The following REEP1 variants were observed in gnomAD, a reference collection of about 807,000 sequenced individuals.
The protein encoded by REEP1 is receptor expression-enhancing protein 1.
In REEP1, 22 loss-of-function variants were observed where a neutral mutation model predicts 40.3. The observed-to-expected ratio is 0.55, with a 90% CI of 0.39 to 0.78. REEP1 has a LOEUF of 0.78. Ranked by LOEUF, REEP1 falls within the 30% of genes least tolerant of loss-of-function variation. REEP1 has a pLI of 0.00. For synonymous variants in REEP1, 116 were observed against 139.2 expected, an observed-to-expected ratio of 0.83 and a Z score of 1.17; for missense variants, 280 against 361.1, an observed-to-expected ratio of 0.78 and a Z score of 1.82.
In REEP1 at chr2:86,315,134, G is replaced by A. The variant is rs577982555; in HGVS notation, c.32+22345C>T. Reference sequence around the variant, plus strand: ...GGGTGTATCTAGCTCAGAGTAGCCGGGACTCTTAGAGACGTAGAAGATGGG... The same window carrying A: ...GGGTGTATCTAGCTCAGAGTAGCCGAGACTCTTAGAGACGTAGAAGATGGG... On this transcript the variant is annotated intron_variant, in intron 1 of 8. Transcript: ENST00000538924. Among the ~76,000 whole-genome samples the A allele has an allele frequency of 3.3e-5, 5 of 152,184 alleles. No individual in the cohort carries two copies. In the South Asian group the frequency reaches 1.0e-3, roughly 32 times the overall value.
chr2:86,298,013 G>A (rs73945268), intron 1 of REEP1, among the ~76,000 whole-genome samples: 5,589 of 152,290 alleles, frequency 0.037, 355 homozygotes, highest in African/African-American at 0.13. Context: ...TGCCTGAGTT[G>A]AGGCATCGTC....
chr2:86,238,773 G>A (rs529419507), intron 5 of REEP1, among the ~76,000 whole-genome samples: 21 of 152,292 alleles, frequency 1.4e-4, no homozygotes, highest in African/African-American at 4.8e-4. Flanking sequence ...GTGGGTGGAG[G>A]ACTTGGGTAG....
chr2:86,219,963 T>C lies in REEP1; in HGVS notation c.783+7A>G, dbSNP rs2103963049. 1 of 1,232,068 alleles carries C rather than the reference T, an allele frequency of 8.1e-7. No homozygotes were observed. The highest frequency in any genetic ancestry group is 1.0e-6 in the Non-Finnish European group (1 of 987,950). The allele number at this position is 1,232,068 out of a possible 1,614,324, so 76.3% of individuals were successfully genotyped here. Reference sequence around the variant, plus strand: ...CACTCCAACCCACAGCCCCAGACACTGTGTACCTCCAGGGGCAATTCCATC... The same window carrying C: ...CACTCCAACCCACAGCCCCAGACACCGTGTACCTCCAGGGGCAATTCCATC... On this transcript the variant is annotated splice_region_variant and intron_variant, in intron 8 of 8. Transcript: ENST00000538924.
chr2:86,329,828 A>G (rs777033986), intron 1 of REEP1, among the ~76,000 whole-genome samples: 6 of 152,194 alleles, frequency 3.9e-5, no homozygotes, highest in Admixed American at 3.3e-4. Context: ...ATGAGAAACT[A>G]TAAGGGAGAC....
In REEP1 at chr2:86,252,012, A is replaced by T. The variant is rs750434521; in HGVS notation, c.362T>A (p.Phe121Tyr). The T allele has an allele frequency of 6.2e-7, 1 of 1,614,150 alleles. No homozygotes were observed. Among genetic ancestry groups the T allele is most frequent in the Non-Finnish European group, 8.5e-7 (1 of 1,180,030 alleles). Residue 121 changes from phenylalanine to tyrosine, a missense_variant, in exon 5 of 9, where the codon TTC becomes TAC. Around this residue, in one of 3 missense-constraint regions of REEP1, gnomAD observed 201 missense variants for 238.5 expected, o/e 0.84. Coordinates refer to ENST00000538924, the MANE Select transcript of REEP1 (RefSeq NM_001371279.1). ...GGCCACGTTCAAGCCCCGCTTCCCG[A>T]AGTGCACAAGGGCATCGTAACTTCG... ...KDRSYDALVH[F>Y]GKRGLNVAAT...
At chr2:86,318,956 A>G (rs985281516) in intron 1 of REEP1, among the ~76,000 whole-genome samples, 1 of 152,226 alleles carries the variant, frequency 6.6e-6, no homozygotes, top group African/African-American at 2.4e-5. Flanking sequence ...AATATAAATA[A>G]TATTTGTAAA....
At position 86,308,407 on chromosome 2, in the gene REEP1, G is replaced by A. The variant is rs138539938; in HGVS notation, c.33-26165C>T. Among the ~76,000 whole-genome samples the A allele has an allele frequency of 7.5e-3, 1,143 of 152,270 alleles. 13 individuals carry two copies. Among genetic ancestry groups the A allele is most frequent in the African/African-American group, 0.026 (1,066 of 41,550 alleles). Reference sequence around the variant, plus strand: ...AAATACAAAAAAAAATTAGCTGGGCGTGGTAGTGCACGCCTGTAGTCCCAG... The same window carrying A: ...AAATACAAAAAAAAATTAGCTGGGCATGGTAGTGCACGCCTGTAGTCCCAG... On this transcript the variant is annotated intron_variant, in intron 1 of 8. Coordinates refer to ENST00000538924, the MANE Select transcript of REEP1 (RefSeq NM_001371279.1).
At chr2:86,301,076 C>T (rs188150125) in intron 1 of REEP1, among the ~76,000 whole-genome samples, 4 of 152,176 alleles carry the variant, frequency 2.6e-5, no homozygotes, top group Non-Finnish European at 4.4e-5. Flanking sequence ...TGTATGTTTG[C>T]GTAAAAAGTC....
intron 2 of REEP1, among the ~76,000 whole-genome samples, chr2:86,273,105 T>C (rs1021711544): frequency 6.7e-6 from 1 of 149,316 alleles, no homozygotes; most frequent in Non-Finnish European, 1.5e-5. Context: ...TATACCACTG[T>C]ACTCCAGCCT....
intron 1 of REEP1, among the ~76,000 whole-genome samples, chr2:86,302,855 C>T (rs936803729): frequency 8.5e-5 from 13 of 152,048 alleles, no homozygotes; most frequent in Non-Finnish European, 1.9e-4. Context: ...TCCTTTTCTT[C>T]CCCATCCTAT....
chr2:86,310,764 T>A (rs759551490), intron 1 of REEP1, among the ~76,000 whole-genome samples: 1 of 152,042 alleles, frequency 6.6e-6, no homozygotes, highest in African/African-American at 2.4e-5. Flanking sequence ...GTAATAACAA[T>A]GTACGGTGTA....
Position 86,282,174 on chromosome 2 carries a change from T to C in REEP1, c.101A>G (p.Glu34Gly). Reference sequence around the variant, plus strand: ...AAAATACACAGTGCTACTTACATATTCCTTAATGTCCTTTGATTTCACAGC... The same window carrying C: ...AAAATACACAGTGCTACTTACATATCCCTTAATGTCCTTTGATTTCACAGC... ...YKAVKSKDIK[E>G]YVKWMMYWII... Residue 34 changes from glutamate to glycine, a missense_variant, in exon 2 of 9, where the codon GAA (glutamate) becomes GGA (glycine). Coordinates refer to ENST00000538924, the MANE Select transcript of REEP1 (RefSeq NM_001371279.1). 1.2e-6 allele frequency: 2 copies of C among 1,606,180 alleles called. No individual in the cohort carries two copies. The highest frequency in any genetic ancestry group is 1.7e-6 in the Non-Finnish European group (2 of 1,172,950).
intron 1 of REEP1, among the ~76,000 whole-genome samples, chr2:86,319,670 G>A (rs928617112): frequency 5.3e-5 from 8 of 152,036 alleles, no homozygotes; most frequent in Non-Finnish European, 1.2e-4. Flanking sequence ...ACTCCAGCCT[G>A]GGCGACAGAG....
rs1446650623 is a variant in REEP1, at chr2:86,215,596, C to A, written c.*1443G>T. 6.6e-6 allele frequency: 1 copy of A among 152,614 alleles called. No individual in the cohort carries two copies. Among genetic ancestry groups the A allele is most frequent in the Non-Finnish European group, 1.5e-5 (1 of 68,030 alleles). 9.5% of individuals were successfully genotyped at this position (152,614 alleles called of 1,614,324 possible). A position where few individuals can be genotyped will look rare whatever the true frequency, so the allele number is the denominator to read the frequency against. ...ACTGCATGCATTACACTGAAAGAAA[C>A]ACCAACTCGAAGCACAAATATATTA... On this transcript the variant is annotated 3_prime_UTR_variant, in exon 9 of 9. Coordinates refer to ENST00000538924, the MANE Select transcript of REEP1 (RefSeq NM_001371279.1).
chr2:86,265,632 G>A (rs1449728687), intron 2 of REEP1, among the ~76,000 whole-genome samples: 5 of 152,044 alleles, frequency 3.3e-5, no homozygotes. Context: ...CATGTCTTTT[G>A]CAGCAATATA....
intron 5 of REEP1, among the ~76,000 whole-genome samples, chr2:86,236,549 T>C (rs1256369499): frequency 6.6e-6 from 1 of 152,034 alleles, no homozygotes; most frequent in East Asian, 1.9e-4. Flanking sequence ...TGGTGGTGCA[T>C]GCCTGCAATC....
intron 1 of REEP1, among the ~76,000 whole-genome samples, chr2:86,326,380 C>G (rs186846773): frequency 6.6e-6 from 1 of 152,334 alleles, no homozygotes; most frequent in Admixed American, 6.5e-5. Flanking sequence ...TGGTTCTTCT[C>G]TCTCTCTTCC....
chr2:86,231,847 G>A (rs1217619923), intron 6 of REEP1, among the ~76,000 whole-genome samples: 5 of 152,128 alleles, frequency 3.3e-5, no homozygotes, highest in Non-Finnish European at 5.9e-5. Context: ...ATCCGATGTC[G>A]GGGGGTCCCA....
chr2:86,231,242 T>C (rs899394136), intron 6 of REEP1, among the ~76,000 whole-genome samples: 11 of 150,676 alleles, frequency 7.3e-5, no homozygotes, highest in African/African-American at 2.7e-4. Context: ...TGGGGGGGGG[T>C]CCCTCGGGGG....
Sources: gnomAD v4.1 joint callset for allele counts (sites outside exome capture counted in the v4.1 genomes callset) on GRCh38, gnomAD v4.1.1 for gene constraint, gnomAD v4.1.1 regional missense constraint, MANE v1.5 for transcripts, NCBI Gene and HGNC (gene_info 2026-07-23, HGNC 2026-07-21) for gene names.